FRMPD4: variants seen among roughly 807,000 people sequenced by gnomAD.
FRMPD4 encodes FERM and PDZ domain-containing protein 4.
FRMPD4 carries 22 observed loss-of-function variants against 94.1 expected under a neutral mutation model. The ratio of observed to expected loss-of-function variants is 0.23; its 90% CI spans 0.17 to 0.33. The LOEUF is 0.33. Ranked by LOEUF, FRMPD4 falls within the 10% of genes least tolerant of loss-of-function variation. FRMPD4 has a pLI of 1.00. For synonymous variants in FRMPD4, 631 were observed against 548.6 expected, an observed-to-expected ratio of 1.15 and a Z score of -2.10; for missense variants, 1,111 against 1,339.9, an observed-to-expected ratio of 0.83 and a Z score of 2.67.
chrX:11,959,323 TG>T (rs1427335884), intron 3 of FRMPD4, among the ~76,000 whole-genome samples: 1 of 112,325 alleles, frequency 8.9e-6, no homozygotes, highest in Non-Finnish European at 1.9e-5. Flanking sequence ...CAGGAATTTA[TG>T]CTGAGCAAGG....
At chrX:11,904,405 C>T (rs1207402835) in intron 3 of FRMPD4, among the ~76,000 whole-genome samples, 10 of 112,134 alleles carry the variant, frequency 8.9e-5, no homozygotes, top group Non-Finnish European at 7.5e-5. Flanking sequence ...TCTCTTTCAT[C>T]GAGTCCTGTT....
At chrX:12,259,776 A>G (rs1286884328) in intron 1 of FRMPD4, among the ~76,000 whole-genome samples, 1 of 111,259 alleles carries the variant, frequency 9.0e-6, no homozygotes, top group Non-Finnish European at 1.9e-5. Context: ...GGGTTTAGAG[A>G]TCATCCAGCA....
At chrX:12,168,088 C>G (rs2056153072) in intron 1 of FRMPD4, among the ~76,000 whole-genome samples, 1 of 110,005 alleles carries the variant, frequency 9.1e-6, no homozygotes, top group Admixed American at 9.7e-5. Context: ...GCGGGGCAGC[C>G]CCCACACAAC....
chrX:12,681,649 G>C (rs949149133), intron 5 of FRMPD4, among the ~76,000 whole-genome samples: 7 of 109,496 alleles, frequency 6.4e-5, no homozygotes. Flanking sequence ...GGGAACTTTA[G>C]AAATAACAGG....
At chrX:12,355,844 A>G (rs781575196) in intron 1 of FRMPD4, among the ~76,000 whole-genome samples, 1 of 112,013 alleles carries the variant, frequency 8.9e-6, no homozygotes, top group South Asian at 3.8e-4. Flanking sequence ...TCGACTCACA[A>G]AAGGAGAAAT....
At chrX:12,406,074 A>G (rs1168141367) in intron 1 of FRMPD4, among the ~76,000 whole-genome samples, 4 of 111,157 alleles carry the variant, frequency 3.6e-5, no homozygotes, top group Non-Finnish European at 5.7e-5. Context: ...GGCAGTGTCT[A>G]CAGACATTTT....
intron 1 of FRMPD4, among the ~76,000 whole-genome samples, chrX:12,340,505 A>G (rs1299775639): frequency 9.0e-6 from 1 of 111,341 alleles, no homozygotes; most frequent in Non-Finnish European, 1.9e-5. Context: ...GTTATCAAAG[A>G]GAACCATCAC....
At chrX:12,538,632 A>G (rs1385381963) in intron 2 of FRMPD4, among the ~76,000 whole-genome samples, 1 of 111,802 alleles carries the variant, frequency 8.9e-6, no homozygotes, top group Admixed American at 9.4e-5. Flanking sequence ...CAAAGCTTCC[A>G]GAGGAACGAT....
intron 1 of FRMPD4, among the ~76,000 whole-genome samples, chrX:12,146,913 A>C (rs2055777108): frequency 8.9e-6 from 1 of 112,192 alleles, no homozygotes; most frequent in African/African-American, 3.2e-5. Context: ...CCTGCACATC[A>C]GTGTTCAGCT....
chrX:11,852,442 C>CA (rs374590200), intron 1 of FRMPD4, among the ~76,000 whole-genome samples: 5,474 of 52,315 alleles, frequency 0.1, 271 homozygotes, highest in East Asian at 0.32. Flanking sequence ...ACCCTGTCTC[C>CA]AAAAAAAAAA....
At chrX:12,586,310 C>T (rs765190391) in intron 2 of FRMPD4, among the ~76,000 whole-genome samples, 90 of 113,061 alleles carry the variant, frequency 8.0e-4, no homozygotes, top group African/African-American at 2.6e-3. Context: ...CTTTTAGTCT[C>T]AGCCACTCCT....
chrX:12,513,007 C>T (rs1040528030), intron 2 of FRMPD4, among the ~76,000 whole-genome samples: 2 of 112,309 alleles, frequency 1.8e-5, no homozygotes, highest in African/African-American at 6.5e-5. Context: ...TTCTTGGCCA[C>T]ATAAATGTCT....
chrX:12,471,614 G>C (rs2057513247), intron 1 of FRMPD4, among the ~76,000 whole-genome samples: 1 of 111,644 alleles, frequency 9.0e-6, no homozygotes, highest in Non-Finnish European at 1.9e-5. Context: ...AAAGTCAGAA[G>C]TGCACACAAG....
At chrX:12,657,904 C>G (rs2059674986) in intron 4 of FRMPD4, among the ~76,000 whole-genome samples, 1 of 112,289 alleles carries the variant, frequency 8.9e-6, no homozygotes, top group South Asian at 3.7e-4. Context: ...ACTGGGCTTA[C>G]TACAACATCA....
At chrX:12,234,241 T>C (rs1010437582) in intron 1 of FRMPD4, among the ~76,000 whole-genome samples, 1 of 111,681 alleles carries the variant, frequency 9.0e-6, no homozygotes, top group Non-Finnish European at 1.9e-5. Context: ...TTCAATGTTA[T>C]ATTTTAATGT....
At chrX:11,867,620 C>CA (rs1017175763) in intron 2 of FRMPD4, among the ~76,000 whole-genome samples, 1 of 111,613 alleles carries the variant, frequency 9.0e-6, no homozygotes, top group South Asian at 3.7e-4. Context: ...TTTTTTTAGA[C>CA]AAAAAATACA....
chrX:11,991,022 A>G (rs181337078), intron 3 of FRMPD4, among the ~76,000 whole-genome samples: 1 of 112,051 alleles, frequency 8.9e-6, no homozygotes, highest in African/African-American at 3.2e-5. Flanking sequence ...CTCATGTTCT[A>G]GGGGTTATCT....
intron 1 of FRMPD4, among the ~76,000 whole-genome samples, chrX:12,475,864 A>G (rs1389195139): frequency 1.2e-4 from 13 of 111,625 alleles, no homozygotes; most frequent in Non-Finnish European, 2.1e-4. Context: ...GGAAGAATCA[A>G]TATTGTGAAA....
rs187041320 is a variant in FRMPD4 at position 12,099,691 on chromosome X, T to G, written c.95+221673T>G. 4.2e-3 allele frequency among the ~76,000 whole-genome samples: 470 copies of G among 112,258 alleles called. 1 individual carries two copies. Among genetic ancestry groups the G allele is most frequent in the Non-Finnish European group, 6.5e-3 (348 of 53,269 alleles). On this transcript the variant is annotated intron_variant, in intron 3 of 18. Transcript: ENST00000640291. ...TGGACACTGTATTACGGAACAACTGTGTGTTTAGTTGAGCAGAATTTCTCT... is the reference window on the plus strand; with the variant it reads ...TGGACACTGTATTACGGAACAACTGGGTGTTTAGTTGAGCAGAATTTCTCT...
Sources: gnomAD v4.1 joint callset for allele counts (sites outside exome capture counted in the v4.1 genomes callset) on GRCh38, gnomAD v4.1.1 for gene constraint, MANE v1.5 for transcripts, NCBI Gene and HGNC (gene_info 2026-07-23, HGNC 2026-07-21) for gene names.